KDM5A: variants seen among roughly 807,000 people sequenced by gnomAD.
KDM5A encodes lysine-specific demethylase 5A.
In KDM5A, 42 loss-of-function variants were observed where a neutral mutation model predicts 193.5. That is an observed-to-expected ratio of 0.22 (90% CI 0.17 to 0.28). The LOEUF (loss-of-function observed/expected upper bound fraction) is 0.28, where lower values mean the gene tolerates loss of function less well. KDM5A is among the 10% of genes least tolerant of loss of function. The probability of loss-of-function intolerance (pLI) is 1.00; values close to 1 mark genes in which losing one functional copy is unlikely to be tolerated. For synonymous variants in KDM5A, 796 were observed against 718.1 expected, an observed-to-expected ratio of 1.11 and a Z score of -1.73; for missense variants, 1,692 against 2,055.1, an observed-to-expected ratio of 0.82 and a Z score of 3.42.
intron 19 of KDM5A, among the ~76,000 whole-genome samples, chr12:317,843 T>C (rs1943666830): frequency 1.3e-5 from 2 of 152,150 alleles, no homozygotes; most frequent in Admixed American, 6.5e-5. Flanking sequence ...GCCACTGACC[T>C]GCACCTCTCC....
intron 1 of KDM5A, chr12:387,132 T>G (rs748244129): frequency 4.5e-5 from 10 of 221,756 alleles, no homozygotes; most frequent in Non-Finnish European, 8.2e-5. Flanking sequence ...TAACTAAAAT[T>G]AGATAGCATA....
intron 2 of KDM5A, among the ~76,000 whole-genome samples, chr12:384,506 T>C (rs980847098): frequency 6.6e-6 from 1 of 152,176 alleles, no homozygotes; most frequent in Non-Finnish European, 1.5e-5. Flanking sequence ...CCAAAAAGGT[T>C]TGGGACAGCT....
intron 3 of KDM5A, among the ~76,000 whole-genome samples, chr12:383,566 A>G (rs1385564734): frequency 6.6e-6 from 1 of 152,060 alleles, no homozygotes; most frequent in Non-Finnish European, 1.5e-5. Context: ...TCAACACAGA[A>G]CATTGTACAC....
chr12:347,551 G>T (rs1944094773), intron 10 of KDM5A, among the ~76,000 whole-genome samples: 1 of 152,094 alleles, frequency 6.6e-6, no homozygotes, highest in South Asian at 2.1e-4. Context: ...CATGGTACTG[G>T]TACCAAAACA....
intron 19 of KDM5A, 76 bp downstream of exon 19, chr12:318,030 G>A (rs1463837760): frequency 9.3e-7 from 1 of 1,079,152 alleles, no homozygotes; most frequent in Non-Finnish European, 1.4e-6. Context: ...AATGAAATAA[G>A]CTTTTAAGTT....
chr12:297,489 C>T (rs946765694), intron 24 of KDM5A, among the ~76,000 whole-genome samples: 3 of 152,140 alleles, frequency 2.0e-5, no homozygotes, highest in Non-Finnish European at 4.4e-5. Flanking sequence ...CTACTGCCTT[C>T]GTACAAGGGC....
chr12:350,880 T>C, intron 9 of KDM5A, 101 bp from the exon 10 acceptor site: 1 of 1,027,462 alleles, frequency 9.7e-7, no homozygotes, highest in Non-Finnish European at 1.5e-6. Context: ...CATGATGAGA[T>C]TAAAAATCTT....
chr12:349,322 C>A (rs1331052347), intron 10 of KDM5A, among the ~76,000 whole-genome samples: 1 of 134,622 alleles, frequency 7.4e-6, no homozygotes, highest in Non-Finnish European at 1.6e-5. Context: ...GCCCAGCCAT[C>A]TTCTAGACTT....
At chr12:380,859 T>C (rs945070551) in intron 3 of KDM5A, among the ~76,000 whole-genome samples, 2 of 152,100 alleles carry the variant, frequency 1.3e-5, no homozygotes, top group Admixed American at 1.3e-4. Flanking sequence ...GCAGTGGTAC[T>C]ATCTCAACTC....
At chr12:296,005 G>A (rs1943366545) in intron 25 of KDM5A, among the ~76,000 whole-genome samples, 1 of 151,982 alleles carries the variant, frequency 6.6e-6, no homozygotes, top group Non-Finnish European at 1.5e-5. Flanking sequence ...AAAAAAAATG[G>A]TTTGGGGTTA....
At position 306,886 on chromosome 12, in the gene KDM5A, T is replaced by TA. The variant is rs1943513916; in HGVS notation, c.4074+59_4074+60insT. ...AAACATCACTGTTCAATAGCTTTTT[T>TA]TTTTTTTAAACAAACCCAATGATCA... On this transcript the variant is annotated intron_variant, in intron 24 of 27. Coordinates refer to ENST00000399788, the MANE Select transcript of KDM5A (RefSeq NM_001042603.3). 3 of 1,540,580 alleles carry TA rather than the reference T, an allele frequency of 1.9e-6. No homozygotes were observed. In the East Asian group the frequency reaches 6.7e-5, roughly 35 times the overall value.
chr12:312,245 C>T (rs544080299), intron 20 of KDM5A, among the ~76,000 whole-genome samples: 4 of 152,240 alleles, frequency 2.6e-5, no homozygotes, highest in South Asian at 2.1e-4. Flanking sequence ...GTGTAAAATA[C>T]GTCTCTCCAA....
chr12:354,082 G>C lies in KDM5A; in HGVS notation c.1023C>G (p.Val341=), dbSNP rs2229352. 3,935 of 1,613,222 alleles carry C rather than the reference G, an allele frequency of 2.4e-3. 127 individuals carry two copies. The East Asian group carries it at 0.07, about 29-fold the overall frequency. The change falls in exon 8 of 28, where the codon GTC becomes GTG. Residue 341 remains valine (V), a synonymous_variant. Transcript: ENST00000399788. ...PKGDWRCPKC[V]AEECSKPREA... is the part of the protein sequence containing the mutation. Reference sequence around the variant, plus strand: ...ATAGAGGTTAGACGTGTACCTCGGCGACACATTTAGGACACCTCCAGTCTC... The same window carrying C: ...ATAGAGGTTAGACGTGTACCTCGGCCACACATTTAGGACACCTCCAGTCTC...
In KDM5A at chr12:323,208, TACAA is replaced by T. The variant is rs749815286; in HGVS notation, c.2151-6_2151-3del. ...AGGTCTTCTAATGGGTAGCGATATCTACAAAAAAAAAAAAAAAAAAAAAAAAAAA... is the reference window on the plus strand; with the variant it reads ...AGGTCTTCTAATGGGTAGCGATATCTAAAAAAAAAAAAAAAAAAAAAAAAA... On this transcript the variant is annotated splice_region_variant and splice_polypyrimidine_tract_variant and intron_variant, in intron 15 of 27. Coordinates refer to ENST00000399788, the MANE Select transcript of KDM5A (RefSeq NM_001042603.3). 3 of 105,058 alleles carry T rather than the reference TACAA, an allele frequency of 2.9e-5. No individual in the cohort carries two copies. Among genetic ancestry groups the T allele is most frequent in the Non-Finnish European group, 5.4e-5 (3 of 55,726 alleles). 6.5% of individuals were successfully genotyped at this position (105,058 alleles called of 1,614,324 possible). A position where few individuals can be genotyped will look rare whatever the true frequency, so the allele number is the denominator to read the frequency against.
chr12:381,839 CTCTG>C (rs970044253), intron 3 of KDM5A, among the ~76,000 whole-genome samples: 13 of 152,014 alleles, frequency 8.6e-5, no homozygotes, highest in African/African-American at 2.9e-4. Context: ...CAGGGTCTTG[CTCTG>C]TCACTCAAGC....
chr12:336,810 G>A (rs929442479), intron 10 of KDM5A, among the ~76,000 whole-genome samples: 23 of 150,602 alleles, frequency 1.5e-4, no homozygotes, highest in Non-Finnish European at 3.2e-4. Context: ...ACTCCAGCCT[G>A]GGCAACAGAG....
At chr12:369,247 T>C (rs1014833700) in intron 3 of KDM5A, among the ~76,000 whole-genome samples, 3 of 152,128 alleles carry the variant, frequency 2.0e-5, no homozygotes, top group Non-Finnish European at 4.4e-5. Flanking sequence ...ACAATGAAAA[T>C]GGTTTAGATA....
At chr12:362,302 GAAAGAAAC>G in intron 5 of KDM5A, among the ~76,000 whole-genome samples, 2 of 151,824 alleles carry the variant, frequency 1.3e-5, no homozygotes, top group Non-Finnish European at 2.9e-5. Flanking sequence ...AAAAAGAAAA[GAAAGAAAC>G]AAAAGGAAGA....
At chr12:297,234 A>G in intron 24 of KDM5A, 34 bp from the exon 25 acceptor site, 1 of 1,608,010 alleles carries the variant, frequency 6.2e-7, no homozygotes, top group South Asian at 1.1e-5. Context: ...ATTCAGAATT[A>G]GAGTCATTTA....
Sources: allele counts gnomAD v4.1 joint callset (sites outside exome capture counted in the v4.1 genomes callset), GRCh38; gene constraint gnomAD v4.1.1; transcripts MANE v1.5; gene names NCBI Gene and HGNC (gene_info 2026-07-23, HGNC 2026-07-21).